Variants in TTC33 observed in about 807,000 individuals in gnomAD.
The protein encoded by TTC33 is tetratricopeptide repeat domain 33.
TTC33 carries 24 observed loss-of-function variants against 29.4 expected under a neutral mutation model. The observed-to-expected ratio is 0.82, with a 90% CI of 0.59 to 1.15. The LOEUF is 1.15. Ranked by LOEUF, TTC33 falls within the 50% of genes most tolerant of loss-of-function variation. The pLI, the probability that TTC33 is intolerant of heterozygous loss-of-function variation, is 0.00. For missense variants in TTC33, 286 were observed against 310.4 expected, an observed-to-expected ratio of 0.92 and a Z score of 0.59; for synonymous variants, 107 against 100.3, an observed-to-expected ratio of 1.07 and a Z score of -0.40.
At chr5:40,728,055 G>A (rs1254500826) in intron 4 of TTC33, among the ~76,000 whole-genome samples, 1 of 151,984 alleles carries the variant, frequency 6.6e-6, no homozygotes, top group Non-Finnish European at 1.5e-5. Context: ...GCCGAGGCTG[G>A]AGAATCATTT....
At chr5:40,747,353 C>T (rs115385422) in intron 1 of TTC33, among the ~76,000 whole-genome samples, 211 of 152,136 alleles carry the variant, frequency 1.4e-3, no homozygotes, top group African/African-American at 4.9e-3. Context: ...CCACCACGCC[C>T]GGCCCAAAAC....
rs115007612 is a variant in TTC33, at chr5:40,752,067, C to T, written c.-2+3757G>A. On this transcript the variant is annotated intron_variant, in intron 1 of 4. Transcript: ENST00000337702. ...TCAGCATTTGCTGCTTTACTTTGCA[C>T]TTTCATGTTATGAAAATGGCTTCTT... Among the ~76,000 whole-genome samples the T allele has an allele frequency of 7.8e-3, 1,189 of 152,274 alleles. 12 individuals carry two copies. Among genetic ancestry groups the T allele is most frequent in the African/African-American group, 0.026 (1,072 of 41,546 alleles).
At chr5:40,742,175 T>C (rs1206401849) in intron 2 of TTC33, among the ~76,000 whole-genome samples, 1 of 152,138 alleles carries the variant, frequency 6.6e-6, no homozygotes, top group African/African-American at 2.4e-5. Context: ...AACTCTCTCA[T>C]GGCTGTCAGT....
chr5:40,750,540 T>A lies in TTC33; in HGVS notation c.-1-3521A>T, dbSNP rs141372217. Among the ~76,000 whole-genome samples, 856 of 152,010 alleles carry A rather than the reference T, an allele frequency of 5.6e-3. 9 individuals carry two copies. Among genetic ancestry groups the A allele is most frequent in the African/African-American group, 0.02 (827 of 41,446 alleles). ...GCCACCGAACTCCACCCTGGCACCC[T>A]GGGTGACAGGATAAGACTTTGTCTC... On this transcript the variant is annotated intron_variant, in intron 1 of 4. Transcript: ENST00000337702.
At position 40,713,403 on chromosome 5, in the gene TTC33, G is replaced by C. The variant is rs182223068; in HGVS notation, c.*2742C>G. 6.6e-6 allele frequency among the ~76,000 whole-genome samples: 1 copy of C among 152,244 alleles called. No individual in the cohort carries two copies. Among genetic ancestry groups the C allele is most frequent in the Admixed American group, 6.5e-5 (1 of 15,274 alleles). On this transcript the variant is annotated 3_prime_UTR_variant, in exon 5 of 5. Transcript: ENST00000337702. ...TCTTAAAAATTCTAGCTGAGACAGA[G>C]CTTTTAAAAAATCTTTATAGTTTTA...
chr5:40,736,248 G>A (rs1742548734), intron 2 of TTC33, among the ~76,000 whole-genome samples: 1 of 152,116 alleles, frequency 6.6e-6, no homozygotes, highest in Non-Finnish European at 1.5e-5. Context: ...CTGTATCTAT[G>A]TTTTTCCACA....
At chr5:40,722,436 G>A (rs949136351) in intron 4 of TTC33, among the ~76,000 whole-genome samples, 4 of 150,874 alleles carry the variant, frequency 2.7e-5, no homozygotes, top group Non-Finnish European at 5.9e-5. Flanking sequence ...CCTCTTCCCG[G>A]CCGTCATCCA....
chr5:40,721,763 C>G (rs1006197430), intron 4 of TTC33, among the ~76,000 whole-genome samples: 2 of 151,890 alleles, frequency 1.3e-5, no homozygotes, highest in African/African-American at 4.8e-5. Context: ...AATATAACAC[C>G]AAAAACATAG....
Position 40,711,627 on chromosome 5 carries a change from C to T in TTC33, c.*4518G>A, listed in dbSNP as rs1230261686. 1.3e-5 allele frequency among the ~76,000 whole-genome samples: 2 copies of T among 152,004 alleles called. No homozygotes were observed. The highest frequency in any genetic ancestry group is 2.9e-5 in the Non-Finnish European group (2 of 67,966). ...ATTCATAATAGATCAAAACTTGAAA[C>T]AACCTAAATGTCCATCAATAGGTGA... On this transcript the variant is annotated 3_prime_UTR_variant, in exon 5 of 5. Transcript: ENST00000337702.
chr5:40,724,099 C>T (rs973333829), intron 4 of TTC33, among the ~76,000 whole-genome samples: 1 of 152,122 alleles, frequency 6.6e-6, no homozygotes, highest in Admixed American at 6.5e-5. Flanking sequence ...GCACTATTCA[C>T]GATAGCCAAT....
chr5:40,726,920 T>C (rs941923196), intron 4 of TTC33, among the ~76,000 whole-genome samples: 4 of 152,172 alleles, frequency 2.6e-5, no homozygotes, highest in Admixed American at 6.5e-5. Context: ...CCAACTCTGG[T>C]ATGATTTAAG....
At chr5:40,741,945 T>C (rs1742704421) in intron 2 of TTC33, among the ~76,000 whole-genome samples, 1 of 151,952 alleles carries the variant, frequency 6.6e-6, no homozygotes, top group Non-Finnish European at 1.5e-5. Flanking sequence ...GCCGAGATCA[T>C]GCCAATGCAC....
chr5:40,717,664 G>A (rs1236600208), intron 4 of TTC33, among the ~76,000 whole-genome samples: 2 of 152,184 alleles, frequency 1.3e-5, no homozygotes, highest in African/African-American at 4.8e-5. Context: ...GGGTAAAACT[G>A]CCCTCCAAGT....
At chr5:40,717,767 A>C (rs1175517770) in intron 4 of TTC33, among the ~76,000 whole-genome samples, 1 of 152,224 alleles carries the variant, frequency 6.6e-6, no homozygotes, top group African/African-American at 2.4e-5. Context: ...ATTAGTTTTA[A>C]GATTGCACTT....
chr5:40,722,822 C>T (rs6869461), intron 4 of TTC33, among the ~76,000 whole-genome samples: 99,229 of 149,084 alleles, frequency 0.67, 33,011 homozygotes, highest in East Asian at 0.77. Context: ...AGGTGGGGGG[C>T]GCAGCCCCCA....
At chr5:40,736,419 CACAT>C (rs1201390168) in intron 2 of TTC33, among the ~76,000 whole-genome samples, 1 of 152,164 alleles carries the variant, frequency 6.6e-6, no homozygotes, top group African/African-American at 2.4e-5. Context: ...CTGCTTCATA[CACAT>C]ACAACTGATT....
intron 1 of TTC33, among the ~76,000 whole-genome samples, chr5:40,748,547 C>G (rs911048101): frequency 6.6e-6 from 1 of 152,034 alleles, no homozygotes; most frequent in African/African-American, 2.4e-5. Flanking sequence ...ATTATGCTTA[C>G]AAAAGGAACC....
intron 2 of TTC33, among the ~76,000 whole-genome samples, chr5:40,743,316 T>C (rs1742732799): frequency 6.6e-6 from 1 of 152,202 alleles, no homozygotes; most frequent in African/African-American, 2.4e-5. Flanking sequence ...AGTTGTATAA[T>C]AACTATGTTC....
intron 4 of TTC33, among the ~76,000 whole-genome samples, chr5:40,725,915 A>T (rs963909637): frequency 2.0e-5 from 3 of 151,310 alleles, no homozygotes; most frequent in African/African-American, 7.3e-5. Context: ...CCTCCCGAGC[A>T]GCTGGGACTA....
Sources: gnomAD v4.1 joint callset for allele counts (sites outside exome capture counted in the v4.1 genomes callset) on GRCh38, gnomAD v4.1.1 for gene constraint, MANE v1.5 for transcripts, NCBI Gene and HGNC (gene_info 2026-07-23, HGNC 2026-07-21) for gene names.